The following DPP10 variants were observed in gnomAD, a reference collection of about 807,000 sequenced individuals.
The protein encoded by DPP10 is inactive dipeptidyl peptidase 10.
DPP10 carries 33 observed loss-of-function variants against 120.9 expected under a neutral mutation model. The ratio of observed to expected loss-of-function variants is 0.27; its 90% confidence interval spans 0.21 to 0.37. DPP10 has a LOEUF of 0.37. Among genes scored for constraint, DPP10 ranks in the 10% least tolerant of loss-of-function variants. The pLI is 1.00. For synonymous variants in DPP10, 337 were observed against 326.1 expected (o/e 1.03, Z -0.36); for missense variants, 816 against 942.8 (o/e 0.87, Z 1.76).
chr2:115,094,515 G>A (rs1020318887), intron 1 of DPP10, among the ~76,000 whole-genome samples: 5 of 152,106 alleles, frequency 3.3e-5, no homozygotes, highest in African/African-American at 1.2e-4. Context: ...AAAATGAAAG[G>A]TACAGGTGAT....
rs34026877 is a variant in DPP10, at chr2:114,568,049, T to TA, written c.60+125229dup. Among the ~76,000 whole-genome samples, 495 of 127,560 alleles carry TA rather than the reference T, an allele frequency of 3.9e-3. 2 individuals carry two copies. The highest frequency in any genetic ancestry group is 8.9e-3 in the Admixed American group (112 of 12,534). 83.7% of individuals were successfully genotyped at this position (127,560 alleles called of 152,430 possible). A position where few individuals can be genotyped will look rare whatever the true frequency, so the allele number is the denominator to read the frequency against. On this transcript the variant is annotated intron_variant, in intron 1 of 25. Transcript: ENST00000410059. ...AAAAAAAAGAGAGAGAGAGATACTG[T>TA]AAAAAAAAAAAAAAAAAAGTGTCCA...
intron 1 of DPP10, among the ~76,000 whole-genome samples, chr2:114,732,301 C>A (rs113542870): frequency 0.017 from 2,528 of 152,218 alleles, 39 homozygotes; most frequent in Non-Finnish European, 0.025. Context: ...ATGGAGCATG[C>A]AAAGAGGGGA....
chr2:115,202,837 A>G (rs1236341208), intron 1 of DPP10, among the ~76,000 whole-genome samples: 1 of 152,206 alleles, frequency 6.6e-6, no homozygotes, highest in East Asian at 1.9e-4. Context: ...AGTCTTCCAT[A>G]TCGGCATAGT....
intron 3 of DPP10, among the ~76,000 whole-genome samples, chr2:115,465,328 A>G (rs978623505): frequency 2.6e-5 from 4 of 152,148 alleles, no homozygotes; most frequent in Admixed American, 6.6e-5. Flanking sequence ...ATGACTAAAA[A>G]TAAAAACAGA....
At chr2:114,753,908 C>CAAACAAAAAA (rs1553419763) in intron 1 of DPP10, among the ~76,000 whole-genome samples, 1 of 33,766 alleles carries the variant, frequency 3.0e-5, no homozygotes, top group African/African-American at 8.9e-5. Flanking sequence ...GACTCCTTCT[C>CAAACAAAAAA]AAAAAAAAAA....
At chr2:114,821,077 G>A (rs894798645) in intron 1 of DPP10, among the ~76,000 whole-genome samples, 5 of 152,232 alleles carry the variant, frequency 3.3e-5, no homozygotes, top group Non-Finnish European at 5.9e-5. Flanking sequence ...AAAGCCAAAA[G>A]AGGGAACTTC....
Position 115,844,083 on chromosome 2 carries a change from T to A in DPP10, c.*1738T>A, listed in dbSNP as rs1690413480. ...GGTTCAATTTAAAATAGGAGAGGCT[T>A]TCTCTTCTGAAAGATCCATTTTAGG... On this transcript the variant is annotated 3_prime_UTR_variant, in exon 26 of 26. Transcript: ENST00000410059. The A allele has an allele frequency of 6.6e-6, 1 of 152,612 alleles. No homozygotes were observed. The highest frequency in any genetic ancestry group is 1.5e-5 in the Non-Finnish European group (1 of 68,016). The allele number at this position is 152,612 out of a possible 1,614,324, so 9.5% of individuals were successfully genotyped here.
At chr2:115,324,718 A>T (rs923798423) in intron 2 of DPP10, among the ~76,000 whole-genome samples, 1 of 152,176 alleles carries the variant, frequency 6.6e-6, no homozygotes, top group Non-Finnish European at 1.5e-5. Flanking sequence ...TCCCATAAGA[A>T]CTTTTTGTGG....
chr2:115,390,794 A>G (rs1297240174), intron 3 of DPP10, among the ~76,000 whole-genome samples: 2 of 152,144 alleles, frequency 1.3e-5, no homozygotes, highest in Non-Finnish European at 2.9e-5. Flanking sequence ...CTCACTAAAA[A>G]TTGGGATCTA....
intron 1 of DPP10, among the ~76,000 whole-genome samples, chr2:114,541,821 G>A (rs967228440): frequency 3.3e-5 from 5 of 151,944 alleles, no homozygotes; most frequent in East Asian, 1.9e-4. Context: ...AGTATAATAC[G>A]ATAAAAACTA....
chr2:114,586,463 A>G (rs781538243), intron 1 of DPP10, among the ~76,000 whole-genome samples: 3 of 152,198 alleles, frequency 2.0e-5, no homozygotes, highest in Non-Finnish European at 4.4e-5. Context: ...TTTCTTTTCT[A>G]TAAATTGGGA....
At chr2:115,087,687 G>A (rs1708841980) in intron 1 of DPP10, among the ~76,000 whole-genome samples, 2 of 151,698 alleles carry the variant, frequency 1.3e-5, no homozygotes, top group African/African-American at 2.4e-5. Context: ...TCGAGTAGCT[G>A]GGATTACAGG....
chr2:115,518,820 C>A (rs1037706043), intron 4 of DPP10, among the ~76,000 whole-genome samples: 1 of 152,020 alleles, frequency 6.6e-6, no homozygotes, highest in Admixed American at 6.6e-5. Flanking sequence ...AAAACTCATA[C>A]CGAAATTCTA....
chr2:115,432,520 T>A (rs1273939488), intron 3 of DPP10, among the ~76,000 whole-genome samples: 4 of 152,036 alleles, frequency 2.6e-5, no homozygotes, highest in Non-Finnish European at 5.9e-5. Flanking sequence ...AATGATCATG[T>A]AAAGGGACCA....
chr2:114,923,190 C>CA (rs1199113035), intron 1 of DPP10, among the ~76,000 whole-genome samples: 1 of 137,476 alleles, frequency 7.3e-6, no homozygotes, highest in Non-Finnish European at 1.6e-5. Flanking sequence ...TTTCTTTTTT[C>CA]TTTTTTTTTT....
chr2:115,578,488 C>G (rs2081819651), intron 5 of DPP10, among the ~76,000 whole-genome samples: 2 of 151,972 alleles, frequency 1.3e-5, no homozygotes, highest in South Asian at 4.1e-4. Context: ...CTACCAGGCA[C>G]AGAAACTGTA....
chr2:115,534,401 A>G (rs1355852996), intron 5 of DPP10, among the ~76,000 whole-genome samples: 5 of 150,736 alleles, frequency 3.3e-5, no homozygotes, highest in South Asian at 4.2e-4. Context: ...GAGAATGATG[A>G]TTTCCAATTT....
rs1690393291 is a variant in DPP10 at position 115,843,896 on chromosome 2, A to G, written c.*1551A>G. The stretch of plus-strand genomic sequence containing the variant: ...AGACTGAATTATCATAACTTATGGC[A>G]TCAGGAGGAAACTTTAAAATATCAA... On this transcript the variant is annotated 3_prime_UTR_variant, in exon 26 of 26. Coordinates refer to ENST00000410059, the MANE Select transcript of DPP10 (RefSeq NM_020868.6). 4 of 152,746 alleles carry G rather than the reference A, an allele frequency of 2.6e-5. No homozygotes were observed. In the South Asian group the frequency reaches 8.3e-4, roughly 32 times the overall value. 9.5% of individuals were successfully genotyped at this position (152,746 alleles called of 1,614,324 possible).
chr2:114,529,885 T>C (rs901233001), intron 1 of DPP10, among the ~76,000 whole-genome samples: 1 of 152,096 alleles, frequency 6.6e-6, no homozygotes, highest in Non-Finnish European at 1.5e-5. Flanking sequence ...TGTTCTCCTC[T>C]ATGTGTCCAT....
Sources: gnomAD v4.1 joint callset for allele counts (sites outside exome capture counted in the v4.1 genomes callset) on GRCh38, gnomAD v4.1.1 for gene constraint, MANE v1.5 for transcripts, NCBI Gene and HGNC (gene_info 2026-07-23, HGNC 2026-07-21) for gene names.